Variants in PPARGC1A observed in about 807,000 individuals in gnomAD.
PPARGC1A encodes the protein peroxisome proliferator-activated receptor gamma coactivator 1-alpha.
In PPARGC1A, 25 loss-of-function variants were observed where a neutral mutation model predicts 88.7. That is an observed-to-expected ratio of 0.28 (90% CI 0.21 to 0.39). The LOEUF is 0.39. PPARGC1A is among the 10% of genes least tolerant of loss of function. The pLI, the probability that PPARGC1A is intolerant of heterozygous loss-of-function variation, is 1.00. For missense variants in PPARGC1A, 880 were observed against 968.7 expected (o/e 0.91, Z 1.22); for synonymous variants, 363 against 355.6 (o/e 1.02, Z -0.24).
the PPARGC1A span, among the ~76,000 whole-genome samples, chr4:24,113,138 T>C: frequency 8.1e-4 from 124 of 152,304 alleles, 1 homozygote; most frequent in African/African-American, 2.6e-3. Flanking sequence ...ATTTCCAAAA[T>C]ATATTAGGGT....
intron 2 of PPARGC1A, among the ~76,000 whole-genome samples, chr4:23,844,742 C>CATAATATATGATATATATTATT (rs1560428442): frequency 1.7e-4 from 4 of 23,780 alleles, no homozygotes; most frequent in African/African-American, 4.1e-4. Flanking sequence ...TATGATATAT[C>CATAATATATGATATATATTATT]ATAATATATG....
At chr4:24,421,380 A>G in the PPARGC1A span, among the ~76,000 whole-genome samples, 11 of 148,102 alleles carry the variant, frequency 7.4e-5, no homozygotes, top group South Asian at 4.2e-4. Context: ...GCGCGATTTC[A>G]GCTCACTGCA....
chr4:24,080,712 A>G, the PPARGC1A span, among the ~76,000 whole-genome samples: 1 of 152,134 alleles, frequency 6.6e-6, no homozygotes, highest in East Asian at 1.9e-4. Context: ...CAATCACTTT[A>G]GGAGAAAGTT....
the PPARGC1A span, among the ~76,000 whole-genome samples, chr4:24,209,281 GC>G: frequency 6.6e-6 from 1 of 152,156 alleles, no homozygotes; most frequent in African/African-American, 2.4e-5. Flanking sequence ...CCAAACAGGT[GC>G]TGCCTGATGA....
At chr4:23,833,417 T>C (rs1001087770) in intron 2 of PPARGC1A, among the ~76,000 whole-genome samples, 2 of 152,226 alleles carry the variant, frequency 1.3e-5, no homozygotes, top group Admixed American at 6.5e-5. Context: ...AATCTTCTTT[T>C]GAAAGTTCTG....
the PPARGC1A span, among the ~76,000 whole-genome samples, chr4:24,090,564 A>C: frequency 6.6e-6 from 1 of 152,224 alleles, no homozygotes; most frequent in Admixed American, 6.5e-5. Flanking sequence ...CTATAGACAA[A>C]ATGGAAAATC....
At chr4:24,044,342 C>T in the PPARGC1A span, among the ~76,000 whole-genome samples, 1 of 152,162 alleles carries the variant, frequency 6.6e-6, no homozygotes, top group Non-Finnish European at 1.5e-5. Context: ...CGATTCTAAT[C>T]TGAGTTGTAC....
At chr4:23,948,363 G>A in the PPARGC1A span, among the ~76,000 whole-genome samples, 1 of 152,148 alleles carries the variant, frequency 6.6e-6, no homozygotes, top group African/African-American at 2.4e-5. Context: ...GAGGCAGGAA[G>A]ACAACAAGGC....
the PPARGC1A span, among the ~76,000 whole-genome samples, chr4:24,381,173 T>C: frequency 6.6e-6 from 1 of 152,128 alleles, no homozygotes; most frequent in South Asian, 2.1e-4. Context: ...GGGAGTGATC[T>C]CAGTTGTGAA....
the PPARGC1A span, among the ~76,000 whole-genome samples, chr4:24,305,868 G>A: frequency 6.4e-4 from 97 of 152,202 alleles, 2 homozygotes; most frequent in East Asian, 0.015. Context: ...CTGGGTCCTC[G>A]TGCCCTGGGT....
At chr4:24,236,546 T>C in the PPARGC1A span, among the ~76,000 whole-genome samples, 1 of 152,182 alleles carries the variant, frequency 6.6e-6, no homozygotes. Context: ...CCCACTGCAC[T>C]TGCCATGCCA....
chr4:24,444,924 A>T, the PPARGC1A span, among the ~76,000 whole-genome samples: 1 of 152,084 alleles, frequency 6.6e-6, no homozygotes, highest in African/African-American at 2.4e-5. Context: ...GTGGTGGCGC[A>T]CACCTGTAGT....
chr4:24,055,964 T>C, the PPARGC1A span, among the ~76,000 whole-genome samples: 4 of 152,242 alleles, frequency 2.6e-5, no homozygotes, highest in East Asian at 7.7e-4. Context: ...AGCTTGATTC[T>C]CTAACACACA....
the PPARGC1A span, among the ~76,000 whole-genome samples, chr4:24,325,745 A>G: frequency 6.6e-6 from 1 of 152,186 alleles, no homozygotes; most frequent in Non-Finnish European, 1.5e-5. Flanking sequence ...TAACTCTCAC[A>G]GTGGAAGGTA....
chr4:24,217,128 C>G, the PPARGC1A span, among the ~76,000 whole-genome samples: 1 of 152,156 alleles, frequency 6.6e-6, no homozygotes, highest in Non-Finnish European at 1.5e-5. Flanking sequence ...GAGCTAAGGA[C>G]ATGAAGAGTT....
chr4:24,103,595 C>CAAAAAAA, the PPARGC1A span, among the ~76,000 whole-genome samples: 182 of 121,498 alleles, frequency 1.5e-3, 4 homozygotes, highest in African/African-American at 5.4e-3. Context: ...TGCCTTCTTC[C>CAAAAAAA]AAAAAAAAAA....
At chr4:24,352,407 G>A in the PPARGC1A span, among the ~76,000 whole-genome samples, 3 of 152,152 alleles carry the variant, frequency 2.0e-5, no homozygotes, top group Non-Finnish European at 4.4e-5. Flanking sequence ...GGTTCTAGAA[G>A]CACAATCCAG....
At chr4:24,092,566 A>G in the PPARGC1A span, among the ~76,000 whole-genome samples, 1 of 152,150 alleles carries the variant, frequency 6.6e-6, no homozygotes, top group Non-Finnish European at 1.5e-5. Flanking sequence ...GGCCCTGCCT[A>G]TATCACTTAA....
chr4:24,396,543 T>G, the PPARGC1A span, among the ~76,000 whole-genome samples: 2 of 152,198 alleles, frequency 1.3e-5, no homozygotes, highest in South Asian at 2.1e-4. Context: ...CATGGCTGTC[T>G]GTGAAGCATC....
Sources: allele counts gnomAD v4.1 joint callset (sites outside exome capture counted in the v4.1 genomes callset), GRCh38; gene constraint gnomAD v4.1.1; transcripts MANE v1.5; gene names NCBI Gene and HGNC (gene_info 2026-07-23, HGNC 2026-07-21).